Variants in G6PC2 observed in about 807,000 individuals in gnomAD.
The protein encoded by G6PC2 is glucose-6-phosphatase catalytic subunit 2.
G6PC2 carries 41 observed loss-of-function variants against 35.4 expected under a neutral mutation model. That is an observed-to-expected ratio of 1.16 (90% CI 0.90 to 1.50). The LOEUF (loss-of-function observed/expected upper bound fraction) is 1.50, where lower values mean the gene tolerates loss of function less well. Ranked by LOEUF, G6PC2 falls within the 40% of genes most tolerant of loss-of-function variation. The probability of loss-of-function intolerance (pLI) is 0.00; values close to 1 mark genes in which losing one functional copy is unlikely to be tolerated. For synonymous variants in G6PC2, 165 were observed against 153.2 expected, an observed-to-expected ratio of 1.08 and a Z score of -0.57; for missense variants, 441 against 426.5, an observed-to-expected ratio of 1.03 and a Z score of -0.30.
At chr2:168,906,920 C>T (rs771590144) in intron 4 of G6PC2, 141 bp downstream of exon 4, 8 of 699,758 alleles carry the variant, frequency 1.1e-5, no homozygotes, top group Admixed American at 6.0e-5. Flanking sequence ...AATGCTACCC[C>T]GGGAGCTGAC....
intron 2 of G6PC2, among the ~76,000 whole-genome samples, chr2:168,904,209 C>T (rs964082924): frequency 3.3e-5 from 5 of 152,084 alleles, no homozygotes; most frequent in African/African-American, 1.2e-4. Flanking sequence ...ATGAGTAGGG[C>T]TGTGGCAGAT....
Position 168,906,770 on chromosome 2 carries a change from G to A in G6PC2, c.547G>A (p.Val183Ile). Reference sequence around the variant, plus strand: ...TTTTCCTCATCAAGTTATTCTTGGAGTAATTGGTGGTAAATATGATCACTT... The same window carrying A: ...TTTTCCTCATCAAGTTATTCTTGGAATAATTGGTGGTAAATATGATCACTT... ...THFPHQVILG[V>I]IGGMLVAEAF... Residue 183 changes from valine (V) to isoleucine (I), a missense_variant, in exon 4 of 5, where the codon GTA becomes ATA. Val to Ile is a conservative substitution (Grantham distance 29, BLOSUM62 3). Transcript: ENST00000375363. The A allele has an allele frequency of 2.1e-6, 3 of 1,434,822 alleles. No individual in the cohort carries two copies. Among genetic ancestry groups the A allele is most frequent in the Non-Finnish European group, 3.0e-6 (3 of 1,016,002 alleles). The allele number at this position is 1,434,822 out of a possible 1,614,324, so 88.9% of individuals were successfully genotyped here.
In G6PC2 at chr2:168,901,299, T is replaced by C; in HGVS notation, c.-33T>C. On this transcript the variant is annotated 5_prime_UTR_variant, in exon 1 of 5. Transcript: ENST00000375363. ...GGGAATCAGAGCACTTCAGCTCCAATTGCTCTATGTTTAGAATTGCCTCTT... is the reference window on the plus strand; with the variant it reads ...GGGAATCAGAGCACTTCAGCTCCAACTGCTCTATGTTTAGAATTGCCTCTT... 8.3e-7 allele frequency: 1 copy of C among 1,200,362 alleles called. No homozygotes were observed. The highest frequency in any genetic ancestry group is 1.2e-6 in the Non-Finnish European group (1 of 802,746). The allele number at this position is 1,200,362 out of a possible 1,614,324, so 74.4% of individuals were successfully genotyped here.
rs530928745 is a variant in G6PC2, at chr2:168,908,750, G to A, written c.*671G>A. On this transcript the variant is annotated 3_prime_UTR_variant, in exon 5 of 5. Coordinates refer to ENST00000375363, the MANE Select transcript of G6PC2 (RefSeq NM_021176.3). ...GCTCTGTTGCCCAGGCTGGAGTGCAGTGGTGGATAGCGGCTCACTGCAGCC... is the reference window on the plus strand; with the variant it reads ...GCTCTGTTGCCCAGGCTGGAGTGCAATGGTGGATAGCGGCTCACTGCAGCC... 6.5e-6 allele frequency: 1 copy of A among 154,826 alleles called. No homozygotes were observed. The highest frequency in any genetic ancestry group is 2.4e-5 in the African/African-American group (1 of 41,566). 9.6% of individuals were successfully genotyped at this position (154,826 alleles called of 1,614,324 possible).
intron 2 of G6PC2, 62 bp downstream of exon 2, chr2:168,902,616 G>C: frequency 1.3e-6 from 1 of 799,092 alleles, no homozygotes; most frequent in South Asian, 1.3e-5. Context: ...ATTACACAGG[G>C]TTATCATCTA....
intron 3 of G6PC2, among the ~76,000 whole-genome samples, chr2:168,905,029 G>A (rs1211108780): frequency 6.6e-6 from 1 of 152,162 alleles, no homozygotes; most frequent in Non-Finnish European, 1.5e-5. Context: ...AGTTTATTCA[G>A]TAAAATTATG....
chr2:168,903,311 G>A (rs1480343601), intron 2 of G6PC2, among the ~76,000 whole-genome samples: 1 of 152,212 alleles, frequency 6.6e-6, no homozygotes, highest in African/African-American at 2.4e-5. Flanking sequence ...GTAAAGGGTA[G>A]TAGAGAATGT....
intron 1 of G6PC2, 146 bp from the exon 2 acceptor site, chr2:168,902,299 A>G (rs1690614413): frequency 6.3e-6 from 4 of 631,490 alleles, no homozygotes; most frequent in Non-Finnish European, 1.1e-5. Context: ...ACCAAGACCT[A>G]AGTTTTTTCA....
chr2:168,901,310 T>C lies in G6PC2; in HGVS notation c.-22T>C. 1.5e-6 allele frequency: 2 copies of C among 1,369,174 alleles called. No homozygotes were observed. Among genetic ancestry groups the C allele is most frequent in the Non-Finnish European group, 2.1e-6 (2 of 956,772 alleles). The allele number at this position is 1,369,174 out of a possible 1,614,324, so 84.8% of individuals were successfully genotyped here. On this transcript the variant is annotated 5_prime_UTR_variant, in exon 1 of 5. Coordinates refer to ENST00000375363, the MANE Select transcript of G6PC2 (RefSeq NM_021176.3). ...CACTTCAGCTCCAATTGCTCTATGT[T>C]TAGAATTGCCTCTTTTTCAAGATGG...
intron 1 of G6PC2, among the ~76,000 whole-genome samples, 188 bp downstream of exon 1, chr2:168,901,737 GT>G (rs34174689): frequency 0.55 from 71,111 of 130,078 alleles, 17,486 homozygotes; most frequent in East Asian, 0.76. Flanking sequence ...ATATGTTTTT[GT>G]TTTTTTTTTT....
rs754193378 is a variant in G6PC2, at chr2:168,907,960, G to A, written c.949G>A (p.Glu317Lys). 1 of 1,614,102 alleles carries A rather than the reference G, an allele frequency of 6.2e-7. No homozygotes were observed. Among genetic ancestry groups the A allele is most frequent in the African/African-American group, 1.3e-5 (1 of 75,048 alleles). ...TTTCCTCCAGATCCCGACTCACGAA[G>A]AGCATTTATTTTATGTGCTGTCTTT... ...YHFLQIPTHE[E>K]HLFYVLSFCK... Residue 317 changes from glutamate (E) to lysine (K), a missense_variant, in exon 5 of 5, where the codon GAG becomes AAG. Physicochemically the swap from Glu to Lys is moderately conservative, Grantham distance 56. Coordinates refer to ENST00000375363, the MANE Select transcript of G6PC2 (RefSeq NM_021176.3).
intron 3 of G6PC2, 52 bp downstream of exon 3, chr2:168,904,668 A>G: frequency 2.1e-6 from 2 of 959,384 alleles, no homozygotes; most frequent in Non-Finnish European, 3.4e-6. Flanking sequence ...TTTTTAATAC[A>G]GAAAGTCTTG....
chr2:168,907,014 G>A (rs1279469037), intron 4 of G6PC2, among the ~76,000 whole-genome samples: 2 of 152,136 alleles, frequency 1.3e-5, no homozygotes, highest in East Asian at 3.8e-4. Flanking sequence ...TCATGAGGTA[G>A]GCTTTTCTGA....
At position 168,908,089 on chromosome 2, in the gene G6PC2, T is replaced by A. The variant is rs1407112860; in HGVS notation, c.*10T>A. The A allele has an allele frequency of 6.2e-7, 1 of 1,607,856 alleles. No individual in the cohort carries two copies. The highest frequency in any genetic ancestry group is 8.5e-7 in the Non-Finnish European group (1 of 1,175,040). On this transcript the variant is annotated 3_prime_UTR_variant, in exon 5 of 5. Coordinates refer to ENST00000375363, the MANE Select transcript of G6PC2 (RefSeq NM_021176.3). ...AAAGAAGAGTCAGTAGAGTGGTGCC[T>A]AGAGTTAGTGCTCTGTGTCACAGAT...
chr2:168,902,270 C>G (rs546083203), intron 1 of G6PC2, among the ~76,000 whole-genome samples, 175 bp from the exon 2 acceptor site: 15 of 152,278 alleles, frequency 9.9e-5, no homozygotes, highest in Admixed American at 9.2e-4. Flanking sequence ...TGGCTACCAC[C>G]TTTAATAATG....
chr2:168,908,114 T>A lies in G6PC2; in HGVS notation c.*35T>A. On this transcript the variant is annotated 3_prime_UTR_variant, in exon 5 of 5. Coordinates refer to ENST00000375363, the MANE Select transcript of G6PC2 (RefSeq NM_021176.3). ...TAGAGTTAGTGCTCTGTGTCACAGA[T>A]CACCCTTCTCCATCCACCAGTAGAG... 6.4e-7 allele frequency: 1 copy of A among 1,558,320 alleles called. No homozygotes were observed. Among genetic ancestry groups the A allele is most frequent in the Non-Finnish European group, 8.8e-7 (1 of 1,130,988 alleles).
In G6PC2 at chr2:168,907,793, G is replaced by A. The variant is rs748589053; in HGVS notation, c.782G>A (p.Arg261Lys). 1.2e-6 allele frequency: 2 copies of A among 1,614,104 alleles called. No homozygotes were observed. The highest frequency in any genetic ancestry group is 4.5e-5 in the East Asian group (2 of 44,870). ...IDTTPFAGLVRNLGVLFGLGF... is the reference protein window; with the variant it reads ...IDTTPFAGLVKNLGVLFGLGF... ...ACCACGCCTTTTGCTGGACTCGTGA[G>A]AAACCTTGGGGTCCTCTTTGGCTTG... Residue 261 changes from arginine to lysine, a missense_variant, in exon 5 of 5, where the codon AGA becomes AAA. Transcript: ENST00000375363.
Position 168,908,119 on chromosome 2 carries a change from C to A in G6PC2, c.*40C>A. On this transcript the variant is annotated 3_prime_UTR_variant, in exon 5 of 5. Transcript: ENST00000375363. ...TTAGTGCTCTGTGTCACAGATCACC[C>A]TTCTCCATCCACCAGTAGAGCCACA... 2.6e-6 allele frequency: 4 copies of A among 1,535,768 alleles called. No individual in the cohort carries two copies. The highest frequency in any genetic ancestry group is 1.1e-5 in the South Asian group (1 of 89,556).
rs1289076716 is a variant in G6PC2 at position 168,907,887 on chromosome 2, C to T, written c.876C>T (p.Phe292=). ...CRGGNNYTLS[F]RLLCALTSLT... ...GGGGAAATAACTACACACTGAGCTT[C>T]CGGTTGCTCTGTGCCTTGACCTCAT... Residue 292 remains phenylalanine, a synonymous_variant, in exon 5 of 5, where the codon TTC becomes TTT. Coordinates refer to ENST00000375363, the MANE Select transcript of G6PC2 (RefSeq NM_021176.3). The T allele has an allele frequency of 6.2e-7, 1 of 1,614,016 alleles. No individual in the cohort carries two copies. The highest frequency in any genetic ancestry group is 8.5e-7 in the Non-Finnish European group (1 of 1,179,876).
Sources: gnomAD v4.1 joint callset for allele counts (sites outside exome capture counted in the v4.1 genomes callset) on GRCh38, gnomAD v4.1.1 for gene constraint, MANE v1.5 for transcripts, NCBI Gene and HGNC (gene_info 2026-07-23, HGNC 2026-07-21) for gene names.